Variants in PTPRK observed in about 807,000 individuals in gnomAD.
The protein encoded by PTPRK is protein tyrosine phosphatase receptor type K.
In PTPRK, 75 loss-of-function variants were observed where a neutral mutation model predicts 178.0. The observed-to-expected ratio is 0.42, with a 90% confidence interval of 0.35 to 0.51. The LOEUF (loss-of-function observed/expected upper bound fraction) is 0.51. PTPRK is among the 20% of genes least tolerant of loss of function. The pLI is 0.02. For synonymous variants in PTPRK, 637 were observed against 620.6 expected (o/e 1.03, Z -0.39); for missense variants, 1,441 against 1,797.8 (o/e 0.80, Z 3.59).
chr6:128,479,922 A>G (rs1851845482), intron 1 of PTPRK, among the ~76,000 whole-genome samples: 1 of 152,148 alleles, frequency 6.6e-6, no homozygotes, highest in Non-Finnish European at 1.5e-5. Flanking sequence ...GGCTCAAGGC[A>G]GTTGCCCAGA....
chr6:128,395,591 A>G (rs1005365218), intron 2 of PTPRK, among the ~76,000 whole-genome samples: 6 of 152,322 alleles, frequency 3.9e-5, no homozygotes, highest in East Asian at 3.9e-4. Context: ...TTAATTTTAT[A>G]TGAAAAGTTT....
chr6:128,229,743 T>G (rs1487817866), intron 5 of PTPRK, among the ~76,000 whole-genome samples: 1 of 152,016 alleles, frequency 6.6e-6, no homozygotes. Flanking sequence ...CAAATTAAAC[T>G]CCATTAAATA....
intron 13 of PTPRK, among the ~76,000 whole-genome samples, chr6:128,052,203 T>A (rs180988258): frequency 6.6e-6 from 1 of 152,334 alleles, no homozygotes; most frequent in Admixed American, 6.5e-5. Flanking sequence ...TTACTAAGCA[T>A]GAAGAGTAAG....
intron 7 of PTPRK, among the ~76,000 whole-genome samples, chr6:128,179,431 C>T (rs550898398): frequency 6.6e-6 from 1 of 152,022 alleles, no homozygotes; most frequent in South Asian, 2.1e-4. Context: ...TGAAGAACTG[C>T]TTCCATTACT....
At chr6:128,198,908 A>G (rs568249704) in intron 6 of PTPRK, among the ~76,000 whole-genome samples, 60 of 152,206 alleles carry the variant, frequency 3.9e-4, no homozygotes, top group Non-Finnish European at 6.8e-4. Context: ...TATTTGTTGA[A>G]TGAATGCACT....
chr6:128,152,698 C>A (rs909062017), intron 7 of PTPRK, among the ~76,000 whole-genome samples: 1 of 151,880 alleles, frequency 6.6e-6, no homozygotes, highest in African/African-American at 2.4e-5. Flanking sequence ...CTAGTTAAGT[C>A]CCCTAAGACG....
At chr6:128,350,226 T>C (rs912681322) in intron 2 of PTPRK, among the ~76,000 whole-genome samples, 6 of 152,072 alleles carry the variant, frequency 3.9e-5, no homozygotes, top group Non-Finnish European at 8.8e-5. Flanking sequence ...AGGGCACCCA[T>C]GGGCTAGCTC....
chr6:127,975,133 A>C (rs995747751), intron 27 of PTPRK, among the ~76,000 whole-genome samples: 1 of 152,204 alleles, frequency 6.6e-6, no homozygotes, highest in Non-Finnish European at 1.5e-5. Context: ...CCAAATACAG[A>C]GGCAGTTCAA....
intron 3 of PTPRK, among the ~76,000 whole-genome samples, chr6:128,275,780 T>C (rs1486572080): frequency 6.6e-6 from 1 of 152,036 alleles, no homozygotes; most frequent in Non-Finnish European, 1.5e-5. Flanking sequence ...CAAAATACTT[T>C]CTAAGGTCCC....
At chr6:128,174,187 T>C (rs1182816497) in intron 7 of PTPRK, among the ~76,000 whole-genome samples, 1 of 152,046 alleles carries the variant, frequency 6.6e-6, no homozygotes, top group African/African-American at 2.4e-5. Flanking sequence ...GGCTAATATT[T>C]ACTATGGTCT....
chr6:128,280,101 T>A (rs1223810722), intron 3 of PTPRK, among the ~76,000 whole-genome samples: 3 of 152,154 alleles, frequency 2.0e-5, no homozygotes, highest in East Asian at 3.9e-4. Flanking sequence ...CTCTTCCCCA[T>A]CTCCTAAATC....
At chr6:128,148,028 T>G (rs1207764069) in intron 7 of PTPRK, among the ~76,000 whole-genome samples, 1 of 152,090 alleles carries the variant, frequency 6.6e-6, no homozygotes, top group African/African-American at 2.4e-5. Context: ...CTGCTAAACT[T>G]GAGCTAAGAT....
At chr6:128,035,123 T>G (rs1034438496) in intron 13 of PTPRK, among the ~76,000 whole-genome samples, 4 of 152,198 alleles carry the variant, frequency 2.6e-5, no homozygotes, top group African/African-American at 9.7e-5. Context: ...TGGCAGCCCT[T>G]TGAGAGGCCG....
chr6:128,477,608 A>C (rs1424445554), intron 1 of PTPRK, among the ~76,000 whole-genome samples: 1 of 152,188 alleles, frequency 6.6e-6, no homozygotes, highest in Non-Finnish European at 1.5e-5. Context: ...CTAAAAGCTA[A>C]ATTTCAAGAA....
At chr6:128,020,052 G>A (rs570050018) in intron 13 of PTPRK, among the ~76,000 whole-genome samples, 54 of 152,190 alleles carry the variant, frequency 3.5e-4, no homozygotes, top group African/African-American at 1.2e-3. Context: ...ATAAAAATCA[G>A]AGAATAACAA....
chr6:128,034,413 C>T (rs1195777089), intron 13 of PTPRK, among the ~76,000 whole-genome samples: 1 of 152,206 alleles, frequency 6.6e-6, no homozygotes, highest in African/African-American at 2.4e-5. Flanking sequence ...GAAAAAGAAT[C>T]CGTAAACTCT....
intron 13 of PTPRK, among the ~76,000 whole-genome samples, chr6:128,034,104 T>C (rs1775804399): frequency 6.6e-6 from 1 of 152,248 alleles, no homozygotes; most frequent in Admixed American, 6.5e-5. Flanking sequence ...TGTCAATAAC[T>C]GTGTAGACTA....
chr6:128,447,635 T>G (rs116980846), intron 1 of PTPRK, among the ~76,000 whole-genome samples: 2,511 of 152,028 alleles, frequency 0.017, 29 homozygotes, highest in Non-Finnish European at 0.027. Flanking sequence ...TGCCTTTTTT[T>G]TTTTTTTTAG....
chr6:128,351,735 A>C (rs367682030), intron 2 of PTPRK, among the ~76,000 whole-genome samples: 2 of 152,178 alleles, frequency 1.3e-5, no homozygotes, highest in African/African-American at 4.8e-5. Flanking sequence ...AAAGCTAAAT[A>C]TCATAGTCAA....
Sources: allele counts gnomAD v4.1 joint callset (sites outside exome capture counted in the v4.1 genomes callset), GRCh38; gene constraint gnomAD v4.1.1; transcripts MANE v1.5; gene names NCBI Gene and HGNC (gene_info 2026-07-23, HGNC 2026-07-21).